The following MIA2 variants were observed in gnomAD, a reference collection of about 807,000 sequenced individuals.
MIA2 encodes melanoma inhibitory activity protein 2.
A neutral mutation model predicts 167.8 loss-of-function variants in MIA2; 127 were observed. The ratio of observed to expected loss-of-function variants is 0.76; its 90% CI spans 0.66 to 0.88. The LOEUF (loss-of-function observed/expected upper bound fraction) is 0.88. Among genes scored for constraint, MIA2 ranks in the 40% least tolerant of loss-of-function variants. MIA2 has a pLI of 0.00. For missense variants in MIA2, 1,690 were observed against 1,624.7 expected, an observed-to-expected ratio of 1.04 and a Z score of -0.69; for synonymous variants, 552 against 541.9, an observed-to-expected ratio of 1.02 and a Z score of -0.26.
chr14:39,345,883 T>C (rs1051963959), intron 25 of MIA2, 21 bp from the exon 26 acceptor site: 5 of 1,593,560 alleles, frequency 3.1e-6, no homozygotes, highest in Non-Finnish European at 4.3e-6. Flanking sequence ...AATGAAGACA[T>C]TTTAAAAACT....
intron 24 of MIA2, among the ~76,000 whole-genome samples, chr14:39,322,308 C>T (rs897811965): frequency 5.3e-5 from 8 of 151,722 alleles, no homozygotes; most frequent in Non-Finnish European, 1.0e-4. Context: ...TTTGGGAGGC[C>T]GACGGGGGCA....
Position 39,317,950 on chromosome 14 carries a change from G to T in MIA2, c.3223G>T (p.Ala1075Ser). The change falls in exon 22 of 29, where the codon GCT becomes TCT. Residue 1075 changes from alanine (A) to serine (S), a missense_variant. Transcript: ENST00000640607. ...EKKAHDNWLAARNAERNLNDL... is the reference protein window; with the variant it reads ...EKKAHDNWLASRNAERNLNDL... ...ATGTGTTATTTTCTTCAAGTTGGCAGCTCGGAATGCTGAAAGAAACCTCAA... is the reference window on the plus strand; with the variant it reads ...ATGTGTTATTTTCTTCAAGTTGGCATCTCGGAATGCTGAAAGAAACCTCAA... 6.3e-7 allele frequency: 1 copy of T among 1,577,490 alleles called. No homozygotes were observed. The highest frequency in any genetic ancestry group is 8.6e-7 in the Non-Finnish European group (1 of 1,165,326).
intron 23 of MIA2, chr14:39,385,887 A>G (rs988014584): frequency 3.2e-6 from 3 of 932,064 alleles, no homozygotes; most frequent in Admixed American, 3.4e-5. Context: ...CTCCCTTTCA[A>G]GAAAAAAGGT....
intron 1 of MIA2, among the ~76,000 whole-genome samples, chr14:39,234,550 A>G (rs1198933815): frequency 6.6e-6 from 1 of 152,242 alleles, no homozygotes; most frequent in East Asian, 1.9e-4. Context: ...TGCCCATTAA[A>G]AAAAAAAGAT....
chr14:39,305,570 T>C (rs2063198977), intron 17 of MIA2, among the ~76,000 whole-genome samples: 1 of 152,258 alleles, frequency 6.6e-6, no homozygotes, highest in South Asian at 2.1e-4. Context: ...AAGATTTTCC[T>C]CTAAACTGTT....
chr14:39,384,780 G>A (rs1264678152), intron 23 of MIA2, among the ~76,000 whole-genome samples: 1 of 151,992 alleles, frequency 6.6e-6, no homozygotes, highest in African/African-American at 2.4e-5. Context: ...ACATACATGT[G>A]CACGCGCACA....
chr14:39,271,602 G>T (rs61549948), intron 6 of MIA2, among the ~76,000 whole-genome samples: 2,908 of 152,144 alleles, frequency 0.019, 101 homozygotes, highest in African/African-American at 0.067. Flanking sequence ...TGAGTCTGTT[G>T]ATCAGTTTAG....
At chr14:39,372,158 T>C (rs1439110414) in intron 23 of MIA2, among the ~76,000 whole-genome samples, 2 of 148,722 alleles carry the variant, frequency 1.3e-5, no homozygotes, top group Admixed American at 6.6e-5. Context: ...GATTCTGTTA[T>C]AAGAATGGAG....
At chr14:39,249,566 T>C (rs1398829652) in intron 4 of MIA2, among the ~76,000 whole-genome samples, 1 of 152,098 alleles carries the variant, frequency 6.6e-6, no homozygotes, top group Non-Finnish European at 1.5e-5. Flanking sequence ...AGTTTTCAAC[T>C]TTCTCCCTCA....
intron 9 of MIA2, 62 bp from the exon 10 acceptor site, chr14:39,290,957 A>G (rs1178383184): frequency 2.9e-6 from 4 of 1,400,548 alleles, no homozygotes; most frequent in African/African-American, 1.5e-5. Flanking sequence ...TTAGGCATCT[A>G]TCCAGATAAG....
intron 10 of MIA2, among the ~76,000 whole-genome samples, chr14:39,291,863 C>T (rs935899934): frequency 6.6e-6 from 1 of 152,140 alleles, no homozygotes; most frequent in South Asian, 2.1e-4. Context: ...TAGATGTGGA[C>T]GTGTTGTAAA....
intron 23 of MIA2, among the ~76,000 whole-genome samples, chr14:39,377,170 T>A (rs1379064103): frequency 6.6e-6 from 1 of 151,828 alleles, no homozygotes; most frequent in Non-Finnish European, 1.5e-5. Context: ...CTCATGTTGT[T>A]AGGAAGCTAA....
At position 39,304,414 on chromosome 14, in the gene MIA2, T is replaced by C. The variant is rs762041101; in HGVS notation, c.2878+33T>C. The C allele has an allele frequency of 4.2e-6, 5 of 1,191,836 alleles. No homozygotes were observed. The South Asian group carries it at 7.6e-5, about 18-fold the overall frequency. 73.8% of individuals were successfully genotyped at this position (1,191,836 alleles called of 1,614,324 possible). A position where few individuals can be genotyped will look rare whatever the true frequency, so the allele number is the denominator to read the frequency against. On this transcript the variant is annotated intron_variant, in intron 17 of 28. Transcript: ENST00000640607. Reference sequence around the variant, plus strand: ...ATTGACATACATACTTTTAATGTTTTTCTAAGTAAGTACATCTCTTGGCAG... The same window carrying C: ...ATTGACATACATACTTTTAATGTTTCTCTAAGTAAGTACATCTCTTGGCAG...
At chr14:39,305,862 G>T (rs1376161633) in intron 17 of MIA2, among the ~76,000 whole-genome samples, 1 of 151,884 alleles carries the variant, frequency 6.6e-6, no homozygotes, top group Non-Finnish European at 1.5e-5. Flanking sequence ...CTTGAACATG[G>T]GAGGTGGAGG....
intron 23 of MIA2, among the ~76,000 whole-genome samples, chr14:39,319,527 G>GAT (rs1394668107): frequency 6.6e-6 from 1 of 151,758 alleles, no homozygotes; most frequent in Non-Finnish European, 1.5e-5. Context: ...TTTGTAAGAT[G>GAT]ATACATATTT....
intron 9 of MIA2, among the ~76,000 whole-genome samples, chr14:39,283,852 G>A (rs1000370175): frequency 2.0e-5 from 3 of 152,092 alleles, no homozygotes; most frequent in African/African-American, 7.2e-5. Context: ...AAATCAGGTT[G>A]TATGTTTGCT....
chr14:39,316,778 G>A (rs1038546257), intron 21 of MIA2, among the ~76,000 whole-genome samples: 4 of 152,126 alleles, frequency 2.6e-5, no homozygotes, highest in Non-Finnish European at 5.9e-5. Context: ...AAAATACTTA[G>A]GTGTAGATTA....
At chr14:39,267,877 TGAG>T (rs1477860948) in intron 6 of MIA2, among the ~76,000 whole-genome samples, 1 of 152,234 alleles carries the variant, frequency 6.6e-6, no homozygotes, top group Non-Finnish European at 1.5e-5. Context: ...GTGAGAAACT[TGAG>T]GACTGTTCCT....
intron 14 of MIA2, 139 bp from the exon 15 acceptor site, chr14:39,301,987 TTAA>T (rs2062593402): frequency 2.1e-6 from 2 of 966,246 alleles, no homozygotes; most frequent in African/African-American, 1.6e-5. Context: ...CTACAATATC[TTAA>T]TAAGAGGTGG....
Sources: gnomAD v4.1 joint callset for allele counts (sites outside exome capture counted in the v4.1 genomes callset) on GRCh38, gnomAD v4.1.1 for gene constraint, MANE v1.5 for transcripts, NCBI Gene and HGNC (gene_info 2026-07-23, HGNC 2026-07-21) for gene names.